The following MIER3 variants were observed in gnomAD, a reference collection of about 807,000 sequenced individuals.
The protein encoded by MIER3 is MIER family member 3.
A neutral mutation model predicts 63.2 loss-of-function variants in MIER3; 9 were observed. The ratio of observed to expected loss-of-function variants is 0.14; its 90% CI spans 0.09 to 0.25. The LOEUF (loss-of-function observed/expected upper bound fraction) is 0.25. Ranked by LOEUF, MIER3 falls within the 10% of genes least tolerant of loss-of-function variation. The pLI is 1.00. For missense variants in MIER3, 512 were observed against 666.2 expected, an observed-to-expected ratio of 0.77 and a Z score of 2.55; for synonymous variants, 205 against 224.9, an observed-to-expected ratio of 0.91 and a Z score of 0.79.
chr5:56,935,425 T>C lies in MIER3; in HGVS notation c.595+3A>G. On this transcript the variant is annotated splice_donor_region_variant and intron_variant, in intron 7 of 12. Transcript: ENST00000381199. ...CATTATCAAAATCAAAAGCTTTCCT[T>C]ACCTTTCTCATTACCATCGTACTCT... 6.3e-7 allele frequency: 1 copy of C among 1,576,140 alleles called. No individual in the cohort carries two copies. Among genetic ancestry groups the C allele is most frequent in the Non-Finnish European group, 8.6e-7 (1 of 1,166,438 alleles).
Position 56,933,168 on chromosome 5 carries a change from TAAA to T in MIER3, c.747+76_747+78del. 3 of 1,379,244 alleles carry T rather than the reference TAAA, an allele frequency of 2.2e-6. No individual in the cohort carries two copies. The Middle Eastern group carries it at 5.7e-4, about 263-fold the overall frequency. The allele number at this position is 1,379,244 out of a possible 1,614,324, so 85.4% of individuals were successfully genotyped here. On this transcript the variant is annotated intron_variant, in intron 8 of 12. Transcript: ENST00000381199. Reference sequence around the variant, plus strand: ...CAGAAAAGATATCTACCTCACATGTTAAAAATATCTGTATCAAATATAAGAAAT... The same window carrying T: ...CAGAAAAGATATCTACCTCACATGTTAATATCTGTATCAAATATAAGAAAT...
At chr5:56,942,023 AAAC>A (rs957565551) in intron 3 of MIER3, among the ~76,000 whole-genome samples, 20 of 152,328 alleles carry the variant, frequency 1.3e-4, no homozygotes, top group South Asian at 6.2e-4. Context: ...TTGAAGAAAA[AAAC>A]AACAACAACA....
Position 56,939,020 on chromosome 5 carries a change from G to A in MIER3, c.181-3C>T. The A allele has an allele frequency of 6.2e-7, 1 of 1,613,856 alleles. No individual in the cohort carries two copies. The highest frequency in any genetic ancestry group is 8.5e-7 in the Non-Finnish European group (1 of 1,179,854). The stretch of plus-strand genomic sequence containing the variant: ...TCTTCTAGAGGCATGGTTCCTTCCT[G>A]TTCAAGCCAGGGCATAAACACGGAC... On this transcript the variant is annotated splice_region_variant and splice_polypyrimidine_tract_variant and intron_variant, in intron 3 of 12. Coordinates refer to ENST00000381199, the MANE Select transcript of MIER3 (RefSeq NM_001297599.2).
At position 56,923,714 on chromosome 5, in the gene MIER3, G is replaced by A. The variant is rs1404904173; in HGVS notation, c.1172C>T (p.Ser391Phe). 1 of 1,614,228 alleles carries A rather than the reference G, an allele frequency of 6.2e-7. No homozygotes were observed. Among genetic ancestry groups the A allele is most frequent in the Non-Finnish European group, 8.5e-7 (1 of 1,180,032 alleles). Residue 391 changes from serine (S) to phenylalanine (F), a missense_variant, in exon 12 of 13, where the codon TCC becomes TTC. By Grantham distance (155) the Ser-to-Phe change is radical. This residue lies in a region of MIER3 where 218 missense variants were observed against 251.2 expected (regional missense o/e 0.87). Transcript: ENST00000381199. ...ACCTGTCAAGTCACTGGCAGTGAAG[G>A]AGTTGAGAATGTTTAGCTGTTGATC... ...IPDQQLNILN[S>F]FTASDLTALT...
intron 1 of MIER3, among the ~76,000 whole-genome samples, chr5:56,951,008 A>C (rs2112161355): frequency 6.6e-6 from 1 of 152,090 alleles, no homozygotes; most frequent in East Asian, 2.0e-4. Flanking sequence ...AGTCCTCCAA[A>C]TCCCACCCGG....
chr5:56,928,536 G>C (rs1477236923), intron 10 of MIER3: 2 of 327,532 alleles, frequency 6.1e-6, no homozygotes, highest in Admixed American at 9.7e-5. Context: ...AATACAGTGA[G>C]TCCACTTTCT....
Position 56,950,619 on chromosome 5 carries a change from A to T in MIER3, c.34+9T>A. The stretch of plus-strand genomic sequence containing the variant: ...GGAACCACCGAAGACGTAAGAAAAT[A>T]GGACAAACCTGGGCTCGAACTTCCA... On this transcript the variant is annotated intron_variant, in intron 2 of 12. Coordinates refer to ENST00000381199, the MANE Select transcript of MIER3 (RefSeq NM_001297599.2). 6.2e-7 allele frequency: 1 copy of T among 1,613,964 alleles called. No homozygotes were observed. The highest frequency in any genetic ancestry group is 2.2e-5 in the East Asian group (1 of 44,880).
intron 3 of MIER3, among the ~76,000 whole-genome samples, chr5:56,945,362 C>A (rs1750791946): frequency 6.6e-6 from 1 of 152,056 alleles, no homozygotes; most frequent in Non-Finnish European, 1.5e-5. Flanking sequence ...ACTCGGGAGG[C>A]TGAGGCAGGA....
intron 3 of MIER3, chr5:56,940,876 CAT>C: frequency 1.5e-6 from 1 of 679,460 alleles, no homozygotes; most frequent in Non-Finnish European, 1.8e-6. Flanking sequence ...CCCTTTGGCT[CAT>C]ATTGGTTCTA....
intron 3 of MIER3, among the ~76,000 whole-genome samples, chr5:56,943,653 A>G (rs1750727883): frequency 6.6e-6 from 1 of 152,194 alleles, no homozygotes; most frequent in Non-Finnish European, 1.5e-5. Flanking sequence ...TTAAAGCAAA[A>G]CTGGAAAAGG....
chr5:56,947,445 A>C (rs1313952983), intron 2 of MIER3, among the ~76,000 whole-genome samples: 1 of 152,190 alleles, frequency 6.6e-6, no homozygotes, highest in African/African-American at 2.4e-5. Context: ...AGAAAGATTA[A>C]ATTTCCATGA....
At chr5:56,932,734 A>AT (rs1561236992) in intron 8 of MIER3, among the ~76,000 whole-genome samples, 1 of 152,248 alleles carries the variant, frequency 6.6e-6, no homozygotes. Context: ...AGTCAAATTT[A>AT]TATAGTCTTA....
In MIER3 at chr5:56,933,354, A is replaced by C. The variant is rs1308455124; in HGVS notation, c.640T>G (p.Leu214Val). ...DQLLWCPDVVLESKVKEYLVE... is the reference protein window; with the variant it reads ...DQLLWCPDVVVESKVKEYLVE... ...AGGTATTCCTTAACTTTGCTCTCCA[A>C]AACCACATCAGGACACCAAAGTAAC... The change falls in exon 8 of 13, where the codon TTG (leucine) becomes GTG (valine). Residue 214 changes from leucine to valine, a missense_variant. By Grantham distance (32) the Leu-to-Val change is conservative. This residue lies in a region of MIER3 where 118 missense variants were observed against 133.6 expected (regional missense o/e 0.88). Transcript: ENST00000381199. 4 of 1,613,070 alleles carry C rather than the reference A, an allele frequency of 2.5e-6. No homozygotes were observed. Among genetic ancestry groups the C allele is most frequent in the Non-Finnish European group, 3.4e-6 (4 of 1,179,586 alleles).
rs567273114 is a variant in MIER3, at chr5:56,943,856, T to C, written c.180+3070A>G. Among the ~76,000 whole-genome samples the C allele has an allele frequency of 2.0e-5, 3 of 152,358 alleles. No homozygotes were observed. The South Asian group carries it at 6.2e-4, about 32-fold the overall frequency. On this transcript the variant is annotated intron_variant, in intron 3 of 12. Coordinates refer to ENST00000381199, the MANE Select transcript of MIER3 (RefSeq NM_001297599.2). ...CACCTTATCCCGGGTATAAGGATTT[T>C]TCTCTTCCTCTTCTTGGGTATTTTG...
rs978854820 is a variant in MIER3 at position 56,919,703 on chromosome 5, T to C, written c.*3425A>G. On this transcript the variant is annotated 3_prime_UTR_variant, in exon 13 of 13. Coordinates refer to ENST00000381199, the MANE Select transcript of MIER3 (RefSeq NM_001297599.2). The stretch of plus-strand genomic sequence containing the variant: ...AAAATCAGTGTTTATGTACAAATAT[T>C]AAAATCAATGCAATAGCAACTTCCT... The C allele has an allele frequency of 6.6e-6, 1 of 152,594 alleles. No homozygotes were observed. The highest frequency in any genetic ancestry group is 1.5e-5 in the Non-Finnish European group (1 of 68,024). 9.5% of individuals were successfully genotyped at this position (152,594 alleles called of 1,614,324 possible). A position where few individuals can be genotyped will look rare whatever the true frequency, so the allele number is the denominator to read the frequency against.
At chr5:56,938,807 A>C in intron 4 of MIER3, 76 bp downstream of exon 4, 1 of 1,513,772 alleles carries the variant, frequency 6.6e-7, no homozygotes, top group Non-Finnish European at 8.9e-7. Flanking sequence ...AGAATTATTA[A>C]ATAATACTTT....
At chr5:56,944,094 C>T (rs556601475) in intron 3 of MIER3, among the ~76,000 whole-genome samples, 15 of 152,114 alleles carry the variant, frequency 9.9e-5, no homozygotes, top group Non-Finnish European at 1.6e-4. Context: ...GATGCACTCC[C>T]TCACATATCA....
chr5:56,949,217 G>C (rs2591954), intron 2 of MIER3, among the ~76,000 whole-genome samples: 46,332 of 151,954 alleles, frequency 0.3, 7,532 homozygotes, highest in East Asian at 0.54. Flanking sequence ...AATCAGCCAG[G>C]TGTGGTGGCG....
At chr5:56,925,397 CACTT>C in intron 10 of MIER3, 1 of 444,776 alleles carries the variant, frequency 2.2e-6, no homozygotes, top group East Asian at 7.0e-5. Context: ...AACTAATAAG[CACTT>C]ACAGCAAAGT....
Sources: allele counts gnomAD v4.1 joint callset (sites outside exome capture counted in the v4.1 genomes callset), GRCh38; gene constraint gnomAD v4.1.1; regional missense constraint gnomAD v4.1.1; transcripts MANE v1.5; gene names NCBI Gene and HGNC (gene_info 2026-07-23, HGNC 2026-07-21).